Variants in ADGRB2 observed in about 807,000 individuals in gnomAD.
The protein encoded by ADGRB2 is brain-specific angiogenesis inhibitor 2.
A neutral mutation model predicts 178.7 loss-of-function variants in ADGRB2; 47 were observed. That is an observed-to-expected ratio of 0.26 (90% CI 0.21 to 0.34). ADGRB2 has a LOEUF of 0.34. Among genes scored for constraint, ADGRB2 ranks in the 10% least tolerant of loss-of-function variants. ADGRB2 has a pLI of 1.00. For missense variants in ADGRB2, 1,584 were observed against 2,180.8 expected (o/e 0.73, Z 5.45); for synonymous variants, 870 against 912.4 (o/e 0.95, Z 0.84).
Position 31,740,104 on chromosome 1 carries a change from C to T in ADGRB2, c.2058+6G>A, listed in dbSNP as rs1472222907. The T allele has an allele frequency of 1.2e-6, 2 of 1,614,120 alleles. No homozygotes were observed. ...GGGAGGAGAAGCTGGCAGCTGTGCCCCGCACCTGCTGAGCATCGTCCCACT... is the reference window on the plus strand; with the variant it reads ...GGGAGGAGAAGCTGGCAGCTGTGCCTCGCACCTGCTGAGCATCGTCCCACT... On this transcript the variant is annotated splice_donor_region_variant and intron_variant, in intron 13 of 32. Transcript: ENST00000373658. The surrounding 1 kb of genome is among the most constrained non-coding windows in gnomAD (Gnocchi z 5.9).
In ADGRB2 at chr1:31,763,777, G is replaced by A; in HGVS notation, c.-191+107C>T. On this transcript the variant is annotated intron_variant, in intron 1 of 32. Transcript: ENST00000373658. ...GTTCGGGCTGGGGGAGAATTCAGCA[G>A]AGACGGGTTAGGAGAGCGCCCCGAG... 21 of 984,256 alleles carry A rather than the reference G, an allele frequency of 2.1e-5. 1 individual carries two copies. Among genetic ancestry groups the A allele is most frequent in the Non-Finnish European group, 2.2e-5 (18 of 828,912 alleles). 61.0% of individuals were successfully genotyped at this position (984,256 alleles called of 1,614,324 possible). A position where few individuals can be genotyped will look rare whatever the true frequency, so the allele number is the denominator to read the frequency against.
Position 31,736,608 on chromosome 1 carries a change from C to A in ADGRB2, c.3095G>T (p.Arg1032Leu), listed in dbSNP as rs1214260235. 1 of 1,614,112 alleles carries A rather than the reference C, an allele frequency of 6.2e-7. No individual in the cohort carries two copies. The change falls in exon 21 of 33, where the codon CGC becomes CTC. Residue 1032 changes from arginine to leucine, a missense_variant. Arg to Leu is a moderately radical substitution (Grantham distance 102, BLOSUM62 -2). This residue lies in a region of ADGRB2 where 865 missense variants were observed against 1,192.8 expected (regional missense o/e 0.73). Transcript: ENST00000373658. ...YLAVIGRMRT[R>L]LVRKRFLCLG... ...GCAGAGGAAGCGCTTGCGAACGAGGCGGGTGCGCATCCGCCCAATGACAGC... is the reference window on the plus strand; with the variant it reads ...GCAGAGGAAGCGCTTGCGAACGAGGAGGGTGCGCATCCGCCCAATGACAGC...
rs1467830225 is a variant in ADGRB2, at chr1:31,744,241, C to T, written c.1039G>A (p.Gly347Arg). The part of the protein sequence containing the change: ...VSSPYGTLCS[G>R]PLRETRPCNN... ...CAGGGCCTGGTCTCCCGCAGGGGCC[C>T]GCTGCACAGGGTCCCATAGGGGGAG... Residue 347 changes from glycine (G) to arginine (R), a missense_variant, in exon 6 of 33, where the codon GGG (glycine) becomes AGG (arginine). Coordinates refer to ENST00000373658, the MANE Select transcript of ADGRB2 (RefSeq NM_001364857.2). This position sits in a 1 kb window ranked among gnomAD's most constrained non-coding sequence, Gnocchi z 6.7. 13 of 1,548,782 alleles carry T rather than the reference C, an allele frequency of 8.4e-6. No individual in the cohort carries two copies. Among genetic ancestry groups the T allele is most frequent in the African/African-American group, 2.7e-5 (2 of 72,904 alleles).
chr1:31,752,138 T>C (rs1217388196), intron 4 of ADGRB2, among the ~76,000 whole-genome samples: 1 of 151,880 alleles, frequency 6.6e-6, no homozygotes, highest in Admixed American at 6.6e-5. Flanking sequence ...GTGCTCTCCC[T>C]CCCCCACCGG....
Position 31,741,767 on chromosome 1 carries a change from G to T in ADGRB2, c.1585+33C>A. On this transcript the variant is annotated intron_variant, in intron 9 of 32. Coordinates refer to ENST00000373658, the MANE Select transcript of ADGRB2 (RefSeq NM_001364857.2). This position sits in a 1 kb window ranked among gnomAD's most constrained non-coding sequence, Gnocchi z 6.5. ...AAGGTTCAGCTGGGTCCACACATGGGGCCCCCAGCCCCCAGGGTCATTAGG... is the reference window on the plus strand; with the variant it reads ...AAGGTTCAGCTGGGTCCACACATGGTGCCCCCAGCCCCCAGGGTCATTAGG... The T allele has an allele frequency of 6.3e-7, 1 of 1,599,846 alleles. No individual in the cohort carries two copies. The highest frequency in any genetic ancestry group is 1.1e-5 in the South Asian group (1 of 89,780).
In ADGRB2 at chr1:31,731,077, C is replaced by A; in HGVS notation, c.4103G>T (p.Gly1368Val). The A allele has an allele frequency of 6.4e-7, 1 of 1,574,774 alleles. No individual in the cohort carries two copies. Among genetic ancestry groups the A allele is most frequent in the Non-Finnish European group, 8.6e-7 (1 of 1,160,530 alleles). ...TLSLQPGGGG[G>V]GGEDAPRARP... is the part of the protein sequence containing the mutation. ...GGCCCTGGGGGCATCCTCACCACCTCCACCCCCACCGCCAGGCTGCAGGCT... is the reference window on the plus strand; with the variant it reads ...GGCCCTGGGGGCATCCTCACCACCTACACCCCCACCGCCAGGCTGCAGGCT... The change falls in exon 29 of 33, where the codon GGA (glycine) becomes GTA (valine). Residue 1368 changes from glycine to valine, a missense_variant. Physicochemically the swap from Gly to Val is moderately radical, Grantham distance 109 (BLOSUM62 -3). This residue lies in a region of ADGRB2 where 865 missense variants were observed against 1,192.8 expected (regional missense o/e 0.73). Coordinates refer to ENST00000373658, the MANE Select transcript of ADGRB2 (RefSeq NM_001364857.2).
rs1027520104 is a variant in ADGRB2, at chr1:31,735,729, T to A, written c.3268-64A>T. The A allele has an allele frequency of 6.4e-7, 1 of 1,573,352 alleles. No homozygotes were observed. The highest frequency in any genetic ancestry group is 8.7e-7 in the Non-Finnish European group (1 of 1,154,220). On this transcript the variant is annotated intron_variant, in intron 23 of 32. Coordinates refer to ENST00000373658, the MANE Select transcript of ADGRB2 (RefSeq NM_001364857.2). The surrounding 1 kb of genome is among the most constrained non-coding windows in gnomAD (Gnocchi z 6.0). ...ACCAGGTGCCCTCCTGGCAGGGAAA[T>A]CCCCATGTGGGAGCTGGAGCGCAGG...
At chr1:31,745,726 C>A (rs1403340665) in intron 4 of ADGRB2, among the ~76,000 whole-genome samples, 1 of 152,202 alleles carries the variant, frequency 6.6e-6, no homozygotes, top group African/African-American at 2.4e-5. Flanking sequence ...CCTCCAGGCT[C>A]CTTCCTATCT....
At chr1:31,734,308 T>C (rs943048249) in intron 25 of ADGRB2, among the ~76,000 whole-genome samples, 1 of 152,238 alleles carries the variant, frequency 6.6e-6, no homozygotes, top group Non-Finnish European at 1.5e-5. Context: ...TTATCCCAAT[T>C]TACAGATGAG....
Position 31,733,342 on chromosome 1 carries a change from G to A in ADGRB2, c.3453-199C>T, listed in dbSNP as rs1015399079. Among the ~76,000 whole-genome samples, 4 of 152,170 alleles carry A rather than the reference G, an allele frequency of 2.6e-5. No individual in the cohort carries two copies. Among genetic ancestry groups the A allele is most frequent in the Admixed American group, 6.5e-5 (1 of 15,284 alleles). ...AAACAGAACAGAGACCGAAAGCAGC[G>A]AACTACGGGGTCAGAGCAGGGACCA... On this transcript the variant is annotated intron_variant, in intron 25 of 32. Transcript: ENST00000373658. The surrounding 1 kb of genome is among the most constrained non-coding windows in gnomAD (Gnocchi z 4.3).
At position 31,731,008 on chromosome 1, in the gene ADGRB2, T is replaced by C; in HGVS notation, c.4172A>G (p.His1391Arg). The change falls in exon 29 of 33, where the codon CAC (histidine) becomes CGC (arginine). Residue 1391 changes from histidine (H) to arginine (R), a missense_variant. Physicochemically the swap from His to Arg is conservative, Grantham distance 29. Coordinates refer to ENST00000373658, the MANE Select transcript of ADGRB2 (RefSeq NM_001364857.2). ...TPRRAAKTVA[H>R]TEGYPSFLSV... ...CAGGAAGCTGGGGTAGCCTTCAGTG[T>C]GGGCCACTGTCTTGGCAGCTCGCCG... 2 of 1,577,794 alleles carry C rather than the reference T, an allele frequency of 1.3e-6. No homozygotes were observed. Among genetic ancestry groups the C allele is most frequent in the Non-Finnish European group, 1.7e-6 (2 of 1,158,886 alleles).
Position 31,741,279 on chromosome 1 carries a change from G to T in ADGRB2, c.1794+94C>A. On this transcript the variant is annotated intron_variant, in intron 11 of 32. Transcript: ENST00000373658. This position sits in a 1 kb window ranked among gnomAD's most constrained non-coding sequence, Gnocchi z 6.5. ...AGAAGTGGGCACAGCATATGCCAAG[G>T]CACGTGGGAACGAGCGAGAATCACG... 3.0e-6 allele frequency: 4 copies of T among 1,313,212 alleles called. No individual in the cohort carries two copies. The highest frequency in any genetic ancestry group is 4.2e-6 in the Non-Finnish European group (4 of 944,986). The allele number at this position is 1,313,212 out of a possible 1,614,324, so 81.3% of individuals were successfully genotyped here.
chr1:31,745,418 G>GGCCAGGCTACCTTGACCCTGGCCCC (rs897220312), intron 4 of ADGRB2, among the ~76,000 whole-genome samples: 2 of 152,134 alleles, frequency 1.3e-5, no homozygotes, highest in African/African-American at 4.8e-5. Context: ...TGCTCGAGGA[G>GGCCAGGCTACCTTGACCCTGGCCCC]GCCAGGCTAC....
Position 31,739,002 on chromosome 1 carries a change from G to A in ADGRB2, c.2496-65C>T, listed in dbSNP as rs1164366398. On this transcript the variant is annotated intron_variant, in intron 15 of 32. Transcript: ENST00000373658. ...GCCAGCCCCAGTCAGAAACCCTGAA[G>A]CCGCTTTGGATGGGTGTGCAGAGGC... The A allele has an allele frequency of 2.1e-6, 3 of 1,435,498 alleles. No homozygotes were observed. The East Asian group carries it at 6.8e-5, about 32-fold the overall frequency. 88.9% of individuals were successfully genotyped at this position (1,435,498 alleles called of 1,614,324 possible). A position where few individuals can be genotyped will look rare whatever the true frequency, so the allele number is the denominator to read the frequency against.
chr1:31,732,660 C>T lies in ADGRB2; in HGVS notation c.3625-48G>A, dbSNP rs748670885. On this transcript the variant is annotated intron_variant, in intron 26 of 32. Transcript: ENST00000373658. ...GGGCCTGAGGCCACTGCAGGGCCCC[C>T]GACCACAGATGGCTGTGCTTCCCAC... 9.9e-5 allele frequency: 157 copies of T among 1,589,326 alleles called. No homozygotes were observed. In the East Asian group the frequency reaches 3.1e-3, roughly 32 times the overall value.
chr1:31,730,391 G>A (rs569882620), intron 29 of ADGRB2, among the ~76,000 whole-genome samples: 12 of 152,254 alleles, frequency 7.9e-5, no homozygotes, highest in Admixed American at 4.6e-4. Flanking sequence ...AGACTGCTAC[G>A]GTATCCCCAC....
chr1:31,727,666 G>A lies in ADGRB2; in HGVS notation c.4573-61C>T, dbSNP rs749756683. On this transcript the variant is annotated intron_variant, in intron 32 of 32. Coordinates refer to ENST00000373658, the MANE Select transcript of ADGRB2 (RefSeq NM_001364857.2). This position sits in a 1 kb window ranked among gnomAD's most constrained non-coding sequence, Gnocchi z 4.4. ...CAATATCCTTACCCATTGTACAGAC[G>A]ATCAAACTGAGGAGTCCCAGAGAGG... is the stretch of plus-strand genomic sequence containing the variant. 108 of 1,418,096 alleles carry A rather than the reference G, an allele frequency of 7.6e-5. 1 individual carries two copies. The highest frequency in any genetic ancestry group is 4.7e-5 in the South Asian group (3 of 63,248). 87.8% of individuals were successfully genotyped at this position (1,418,096 alleles called of 1,614,324 possible).
chr1:31,728,378 C>G lies in ADGRB2; in HGVS notation c.4417-98G>C. On this transcript the variant is annotated intron_variant, in intron 30 of 32. Coordinates refer to ENST00000373658, the MANE Select transcript of ADGRB2 (RefSeq NM_001364857.2). This position sits in a 1 kb window ranked among gnomAD's most constrained non-coding sequence, Gnocchi z 6.7. ...CACCCCAAGCCCCCCACATCCCTCCCTGCTGCCAGCCCCTCTGGGACAAGA... is the reference window on the plus strand; with the variant it reads ...CACCCCAAGCCCCCCACATCCCTCCGTGCTGCCAGCCCCTCTGGGACAAGA... The G allele has an allele frequency of 7.3e-7, 1 of 1,375,982 alleles. No individual in the cohort carries two copies. The highest frequency in any genetic ancestry group is 1.4e-5 in the African/African-American group (1 of 69,960). The allele number at this position is 1,375,982 out of a possible 1,614,324, so 85.2% of individuals were successfully genotyped here. A position where few individuals can be genotyped will look rare whatever the true frequency, so the allele number is the denominator to read the frequency against.
chr1:31,757,373 C>T lies in ADGRB2; in HGVS notation c.-61+9G>A. The T allele has an allele frequency of 1.0e-6, 1 of 1,001,914 alleles. No homozygotes were observed. 62.1% of individuals were successfully genotyped at this position (1,001,914 alleles called of 1,614,324 possible). On this transcript the variant is annotated intron_variant, in intron 2 of 32. Transcript: ENST00000373658. Reference sequence around the variant, plus strand: ...AGGTTATTCCTGGAACAATGTCATTCTCACTCACTTGCTTTACTGAGAGGG... The same window carrying T: ...AGGTTATTCCTGGAACAATGTCATTTTCACTCACTTGCTTTACTGAGAGGG...
Sources: allele counts gnomAD v4.1 joint callset (sites outside exome capture counted in the v4.1 genomes callset), GRCh38; gene constraint gnomAD v4.1.1; regional missense constraint gnomAD v4.1.1; non-coding constraint Gnocchi (gnomAD v3.1); transcripts MANE v1.5; gene names NCBI Gene and HGNC (gene_info 2026-07-23, HGNC 2026-07-21).